The following EVI5 variants were observed in gnomAD, a reference collection of about 807,000 sequenced individuals.
The protein encoded by EVI5 is ecotropic viral integration site 5.
A neutral mutation model predicts 112.0 loss-of-function variants in EVI5; 73 were observed. The observed-to-expected ratio is 0.65, with a 90% CI of 0.54 to 0.79. The LOEUF is 0.79. EVI5 is among the 30% of genes least tolerant of loss of function. The pLI, the probability that EVI5 is intolerant of heterozygous loss-of-function variation, is 0.00. For missense variants in EVI5, 900 were observed against 968.8 expected (o/e 0.93, Z 0.94); for synonymous variants, 305 against 319.9 (o/e 0.95, Z 0.50).
At chr1:92,767,875 T>A (rs1395059014) in intron 1 of EVI5, among the ~76,000 whole-genome samples, 2 of 151,892 alleles carry the variant, frequency 1.3e-5, no homozygotes, top group Non-Finnish European at 2.9e-5. Context: ...AGGCCAGGAG[T>A]TCGAGACCAG....
intron 16 of EVI5, among the ~76,000 whole-genome samples, chr1:92,620,028 C>T (rs966794928): frequency 6.6e-5 from 10 of 152,062 alleles, no homozygotes; most frequent in African/African-American, 1.9e-4. Flanking sequence ...AAGAAGGGAG[C>T]ATGAGAAGAA....
chr1:92,525,263 A>G (rs1006267597), intron 19 of EVI5, among the ~76,000 whole-genome samples: 5 of 121,398 alleles, frequency 4.1e-5, no homozygotes, highest in Admixed American at 9.6e-5. Flanking sequence ...GCCAATGACA[A>G]TGCCTTTTTT....
intron 2 of EVI5, chr1:92,733,013 G>A (rs1676739829): frequency 6.5e-6 from 1 of 153,328 alleles, no homozygotes; most frequent in East Asian, 2.0e-4. Context: ...AGGAGTTTGA[G>A]ACCAGCCTGG....
At chr1:92,775,543 A>C (rs768236495) in intron 1 of EVI5, among the ~76,000 whole-genome samples, 1 of 152,218 alleles carries the variant, frequency 6.6e-6, no homozygotes, top group Non-Finnish European at 1.5e-5. Context: ...TATTCCATAC[A>C]ATAACATACT....
chr1:92,716,292 T>C (rs1673672422), intron 2 of EVI5, among the ~76,000 whole-genome samples: 1 of 152,180 alleles, frequency 6.6e-6, no homozygotes, highest in African/African-American at 2.4e-5. Context: ...ATATTTGCTG[T>C]TCTGCAGCCT....
intron 9 of EVI5, among the ~76,000 whole-genome samples, chr1:92,683,593 G>A (rs1667964410): frequency 6.6e-6 from 1 of 152,100 alleles, no homozygotes; most frequent in Non-Finnish European, 1.5e-5. Context: ...CAGAAGGTAG[G>A]TAATAACAAA....
intron 19 of EVI5, among the ~76,000 whole-genome samples, chr1:92,525,804 T>C (rs1661771195): frequency 6.6e-6 from 1 of 152,240 alleles, no homozygotes; most frequent in South Asian, 2.1e-4. Context: ...CAGGCTCTCA[T>C]TAGAACAGTA....
At position 92,710,896 on chromosome 1, in the gene EVI5, T is replaced by C. The variant is rs141081797; in HGVS notation, c.150-6152A>G. 2.8e-3 allele frequency among the ~76,000 whole-genome samples: 419 copies of C among 152,292 alleles called. 3 individuals carry two copies. The highest frequency in any genetic ancestry group is 9.3e-3 in the African/African-American group (386 of 41,548). Reference sequence around the variant, plus strand: ...CTAATGGGTGGGACTGGGGAATAAGTTGAGAACAAGAAAATATTCCAGCAT... The same window carrying C: ...CTAATGGGTGGGACTGGGGAATAAGCTGAGAACAAGAAAATATTCCAGCAT... On this transcript the variant is annotated intron_variant, in intron 2 of 19. Transcript: ENST00000684568.
At chr1:92,593,554 T>C (rs1189615480) in intron 18 of EVI5, among the ~76,000 whole-genome samples, 1 of 152,186 alleles carries the variant, frequency 6.6e-6, no homozygotes, top group Non-Finnish European at 1.5e-5. Flanking sequence ...AACATAGTGT[T>C]GGAAATTCTG....
At chr1:92,661,389 A>G (rs1309363901) in intron 13 of EVI5, among the ~76,000 whole-genome samples, 3 of 152,110 alleles carry the variant, frequency 2.0e-5, no homozygotes, top group African/African-American at 7.2e-5. Context: ...TCCCTTTGAT[A>G]TACATCTATC....
chr1:92,782,274 A>G (rs1001359119), intron 1 of EVI5, among the ~76,000 whole-genome samples: 1 of 152,010 alleles, frequency 6.6e-6, no homozygotes, highest in African/African-American at 2.4e-5. Context: ...AAACAAACAA[A>G]AAACACACAC....
At chr1:92,745,343 C>T (rs940910477) in intron 1 of EVI5, among the ~76,000 whole-genome samples, 2 of 152,140 alleles carry the variant, frequency 1.3e-5, no homozygotes, top group African/African-American at 2.4e-5. Flanking sequence ...TTTCTCTTCA[C>T]TTCTATGGTA....
rs531965826 is a variant in EVI5, at chr1:92,722,522, G to A, written c.149+13876C>T. Among the ~76,000 whole-genome samples the A allele has an allele frequency of 4.4e-5, 6 of 137,084 alleles. No individual in the cohort carries two copies. In the South Asian group the frequency reaches 8.9e-4, roughly 20 times the overall value. The allele number at this position is 137,084 out of a possible 152,430, so 89.9% of individuals were successfully genotyped here. Reference sequence around the variant, plus strand: ...GATGTTCCCCTTCCTGTGTCCATGTGTTCTCACTGTTCAATTCTCACCTAT... The same window carrying A: ...GATGTTCCCCTTCCTGTGTCCATGTATTCTCACTGTTCAATTCTCACCTAT... On this transcript the variant is annotated intron_variant, in intron 2 of 19. Transcript: ENST00000684568.
intron 19 of EVI5, among the ~76,000 whole-genome samples, chr1:92,516,417 G>A (rs1659883619): frequency 6.6e-6 from 1 of 152,166 alleles, no homozygotes; most frequent in Admixed American, 6.5e-5. Flanking sequence ...AACATCAAAG[G>A]AATCTCATTG....
At chr1:92,579,534 T>C (rs1049880933) in intron 18 of EVI5, among the ~76,000 whole-genome samples, 8 of 152,206 alleles carry the variant, frequency 5.3e-5, no homozygotes, top group African/African-American at 1.9e-4. Flanking sequence ...ATTAATTTCC[T>C]TTTTCAGCAA....
At chr1:92,527,137 AG>A (rs1266077153) in intron 19 of EVI5, among the ~76,000 whole-genome samples, 1 of 152,130 alleles carries the variant, frequency 6.6e-6, no homozygotes, top group Non-Finnish European at 1.5e-5. Flanking sequence ...ATTTAGGGCC[AG>A]GTGCGGTGGC....
At chr1:92,575,288 C>T (rs4847305) in intron 18 of EVI5, among the ~76,000 whole-genome samples, 140,157 of 152,210 alleles carry the variant, frequency 0.92, 64,620 homozygotes, top group East Asian at 0.97. Context: ...TCCTGAACCA[C>T]TGGAATGTAA....
At chr1:92,622,024 G>C (rs1654704464) in intron 16 of EVI5, among the ~76,000 whole-genome samples, 1 of 151,966 alleles carries the variant, frequency 6.6e-6, no homozygotes. Context: ...GGGAGGCTGA[G>C]GAGGAGAATA....
chr1:92,744,316 T>C lies in EVI5; in HGVS notation c.-81-7689A>G, dbSNP rs527722722. Among the ~76,000 whole-genome samples the C allele has an allele frequency of 1.2e-3, 187 of 152,290 alleles. 1 individual carries two copies. The highest frequency in any genetic ancestry group is 4.4e-3 in the African/African-American group (184 of 41,560). ...GGATGAAGCAGTCTATATATATCAATTAAATCCAGTTGATAAATGGTGCTA... is the reference window on the plus strand; with the variant it reads ...GGATGAAGCAGTCTATATATATCAACTAAATCCAGTTGATAAATGGTGCTA... On this transcript the variant is annotated intron_variant, in intron 1 of 19. Coordinates refer to ENST00000684568, the MANE Select transcript of EVI5 (RefSeq NM_001350197.2).
Sources: gnomAD v4.1 joint callset for allele counts (sites outside exome capture counted in the v4.1 genomes callset) on GRCh38, gnomAD v4.1.1 for gene constraint, MANE v1.5 for transcripts, NCBI Gene and HGNC (gene_info 2026-07-23, HGNC 2026-07-21) for gene names.